UNC13C: variants seen among roughly 807,000 people sequenced by gnomAD.
The protein encoded by UNC13C is unc-13 homolog C, also known as protein unc-13 homolog C.
A neutral mutation model predicts 245.4 loss-of-function variants in UNC13C; 174 were observed. The observed-to-expected ratio is 0.71, with a 90% CI of 0.63 to 0.80. The LOEUF is 0.80. Among genes scored for constraint, UNC13C ranks in the 30% least tolerant of loss-of-function variants. UNC13C has a pLI of 0.00. For missense variants in UNC13C, 2,829 were observed against 2,602.9 expected, an observed-to-expected ratio of 1.09 and a Z score of -1.89; for synonymous variants, 992 against 895.1, an observed-to-expected ratio of 1.11 and a Z score of -1.93.
the UNC13C span, among the ~76,000 whole-genome samples, chr15:53,964,257 G>A: frequency 6.6e-6 from 1 of 152,112 alleles, no homozygotes; most frequent in Non-Finnish European, 1.5e-5. Context: ...GACTAAGTGG[G>A]TTTGAAAGAG....
intron 13 of UNC13C, among the ~76,000 whole-genome samples, chr15:54,307,732 T>C (rs1490272093): frequency 6.6e-6 from 1 of 151,922 alleles, no homozygotes; most frequent in African/African-American, 2.4e-5. Flanking sequence ...TCTGTGCCTT[T>C]TATTTATTTT....
At chr15:54,113,720 G>A (rs1236328486) in intron 2 of UNC13C, among the ~76,000 whole-genome samples, 1 of 152,092 alleles carries the variant, frequency 6.6e-6, no homozygotes, top group African/African-American at 2.4e-5. Context: ...CAGTTACTCG[G>A]GAGGCTGAGG....
At chr15:54,168,954 G>A (rs1245280255) in intron 4 of UNC13C, among the ~76,000 whole-genome samples, 2 of 152,164 alleles carry the variant, frequency 1.3e-5, no homozygotes, top group Non-Finnish European at 2.9e-5. Flanking sequence ...TGCTAAGGGT[G>A]TGTCTGAAAA....
intron 17 of UNC13C, among the ~76,000 whole-genome samples, chr15:54,375,069 A>G (rs1567224001): frequency 6.6e-6 from 1 of 152,210 alleles, no homozygotes. Context: ...ACAGTCCTGT[A>G]TATGTCTTCT....
chr15:54,449,557 C>G (rs546298714), intron 19 of UNC13C, among the ~76,000 whole-genome samples: 1 of 152,204 alleles, frequency 6.6e-6, no homozygotes. Context: ...TTTCTTCCAG[C>G]TGATCAAATC....
At chr15:54,306,225 C>G (rs2037720549) in intron 13 of UNC13C, among the ~76,000 whole-genome samples, 1 of 151,970 alleles carries the variant, frequency 6.6e-6, no homozygotes, top group Admixed American at 6.6e-5. Flanking sequence ...TTAGCCCTAC[C>G]TGTTACATAA....
chr15:54,414,938 A>T, intron 18 of UNC13C, 44 bp from the exon 19 acceptor site: 1 of 1,508,412 alleles, frequency 6.6e-7, no homozygotes. Flanking sequence ...GTTTTTAGGC[A>T]TGCTTTTCTT....
chr15:54,185,114 T>C (rs2033932212), intron 4 of UNC13C, among the ~76,000 whole-genome samples: 2 of 152,124 alleles, frequency 1.3e-5, no homozygotes, highest in Admixed American at 1.3e-4. Flanking sequence ...TTGACGGGGT[T>C]GTTTGTTTTT....
At chr15:53,920,630 C>T in the UNC13C span, among the ~76,000 whole-genome samples, 4 of 151,800 alleles carry the variant, frequency 2.6e-5, no homozygotes, top group African/African-American at 9.7e-5. Flanking sequence ...AACATTAGCT[C>T]CTTGGTGTAG....
chr15:54,425,624 G>A (rs2040744175), intron 19 of UNC13C, among the ~76,000 whole-genome samples: 1 of 151,790 alleles, frequency 6.6e-6, no homozygotes, highest in South Asian at 2.1e-4. Flanking sequence ...CTAGATCAGT[G>A]GCCTTCACAC....
In UNC13C at chr15:54,513,058, C is replaced by CTTATTAAT. The variant is rs992165305; in HGVS notation, c.5457+1229_5457+1230insTATTAATT. On this transcript the variant is annotated intron_variant, in intron 24 of 32. Transcript: ENST00000260323. ...TTTGTATAAAATAAGGCCTCATTCC[C>CTTATTAAT]TAAAGTGTGTTAATGCTTTATGTAA... Among the ~76,000 whole-genome samples, 160 of 152,230 alleles carry CTTATTAAT rather than the reference C, an allele frequency of 1.1e-3. 1 individual carries two copies. Among genetic ancestry groups the CTTATTAAT allele is most frequent in the African/African-American group, 3.8e-3 (156 of 41,542 alleles).
intron 17 of UNC13C, among the ~76,000 whole-genome samples, chr15:54,368,906 A>G (rs1419925982): frequency 6.6e-6 from 1 of 152,134 alleles, no homozygotes; most frequent in East Asian, 1.9e-4. Context: ...TGAGGAGTCT[A>G]TTTCATAAAG....
chr15:54,414,067 G>A (rs1411335227), intron 18 of UNC13C, among the ~76,000 whole-genome samples: 1 of 152,156 alleles, frequency 6.6e-6, no homozygotes, highest in Non-Finnish European at 1.5e-5. Context: ...GAAGCAGTCA[G>A]AATCTTGTTT....
rs2140784712 is a variant in UNC13C at position 54,221,660 on chromosome 15, C to T, written c.3072-13370C>T. Among the ~76,000 whole-genome samples the T allele has an allele frequency of 2.0e-5, 3 of 146,898 alleles. No individual in the cohort carries two copies. In the Middle Eastern group the frequency reaches 0.01, roughly 503 times the overall value. On this transcript the variant is annotated intron_variant, in intron 4 of 32. Transcript: ENST00000260323. ...TACCTTGCTTTAATGTTCCATAATG[C>T]TAAAAAAAATAAGATTAATCACATA...
chr15:54,385,515 A>G (rs936014682), intron 17 of UNC13C, among the ~76,000 whole-genome samples: 3 of 152,042 alleles, frequency 2.0e-5, no homozygotes, highest in African/African-American at 7.2e-5. Context: ...TAGAGAATAG[A>G]ATGATAGATA....
rs773933187 is a variant in UNC13C, at chr15:54,013,384, G to T, written c.481G>T (p.Ala161Ser). 3.0e-5 allele frequency: 49 copies of T among 1,613,730 alleles called. No individual in the cohort carries two copies. The highest frequency in any genetic ancestry group is 4.2e-5 in the Non-Finnish European group (49 of 1,179,874). Reference sequence around the variant, plus strand: ...CAACAGAAAGAGTTCAAGCAGCCTTGCACCCTCTGAGGGCAGCTCTGACGG... The same window carrying T: ...CAACAGAAAGAGTTCAAGCAGCCTTTCACCCTCTGAGGGCAGCTCTGACGG... ...RRNRKSSSSL[A>S]PSEGSSDGER... Residue 161 changes from alanine to serine, a missense_variant, in exon 2 of 33, where the codon GCA becomes TCA. Physicochemically the swap from Ala to Ser is moderately conservative, Grantham distance 99. Coordinates refer to ENST00000260323, the MANE Select transcript of UNC13C (RefSeq NM_001080534.3).
chr15:54,440,549 T>C (rs111233033), intron 19 of UNC13C, among the ~76,000 whole-genome samples: 19 of 152,128 alleles, frequency 1.2e-4, no homozygotes, highest in African/African-American at 4.6e-4. Flanking sequence ...TCTTTATCCA[T>C]CCATCCATTG....
intron 2 of UNC13C, among the ~76,000 whole-genome samples, chr15:54,033,054 G>A (rs1180802647): frequency 6.6e-6 from 1 of 151,926 alleles, no homozygotes; most frequent in Non-Finnish European, 1.5e-5. Flanking sequence ...TTGGGTGATG[G>A]GGGCACCAAA....
intron 32 of UNC13C, among the ~76,000 whole-genome samples, chr15:54,625,917 C>A (rs1474559301): frequency 2.0e-5 from 3 of 152,140 alleles, no homozygotes; most frequent in Non-Finnish European, 4.4e-5. Context: ...TTTTGCTCTT[C>A]TACTCTTATC....
Sources: gnomAD v4.1 joint callset for allele counts (sites outside exome capture counted in the v4.1 genomes callset) on GRCh38, gnomAD v4.1.1 for gene constraint, MANE v1.5 for transcripts, NCBI Gene and HGNC (gene_info 2026-07-23, HGNC 2026-07-21) for gene names.